PRDM16: variants seen among roughly 807,000 people sequenced by gnomAD.
The protein encoded by PRDM16 is histone-lysine N-methyltransferase PRDM16.
In PRDM16, 23 loss-of-function variants were observed where a neutral mutation model predicts 110.6. The observed-to-expected ratio is 0.21, with a 90% CI of 0.15 to 0.29. PRDM16 has a LOEUF of 0.29. Among genes scored for constraint, PRDM16 ranks in the 10% least tolerant of loss-of-function variants. PRDM16 has a pLI of 1.00. For missense variants in PRDM16, 1,615 were observed against 1,794.3 expected, an observed-to-expected ratio of 0.90 and a Z score of 1.81; for synonymous variants, 799 against 781.8, an observed-to-expected ratio of 1.02 and a Z score of -0.37.
At position 3,098,187 on chromosome 1, in the gene PRDM16, T is replaced by C. The variant is rs141626524; in HGVS notation, c.37+28891T>C. Among the ~76,000 whole-genome samples the C allele has an allele frequency of 1.2e-4, 19 of 152,280 alleles. No homozygotes were observed. In the East Asian group the frequency reaches 2.7e-3, roughly 22 times the overall value. The stretch of plus-strand genomic sequence containing the variant: ...GTGAGAAGCTCCCAGTCAAGGGCCC[T>C]GAGAGTCCCTCCAGGCTCATGGGGC... On this transcript the variant is annotated intron_variant, in intron 1 of 16. Transcript: ENST00000270722.
rs770890589 is a variant in PRDM16 at position 3,350,760 on chromosome 1, G to A, written c.439-34392G>A. Among the ~76,000 whole-genome samples, 19 of 152,244 alleles carry A rather than the reference G, an allele frequency of 1.2e-4. 1 individual carries two copies. Among genetic ancestry groups the A allele is most frequent in the South Asian group, 6.2e-4 (3 of 4,824 alleles). On this transcript the variant is annotated intron_variant, in intron 3 of 16. Coordinates refer to ENST00000270722, the MANE Select transcript of PRDM16 (RefSeq NM_022114.4). The surrounding 1 kb of genome is among the most constrained non-coding windows in gnomAD (Gnocchi z 7.1). ...CCAGGACAAGAGCTTTGTGTCTGCC[G>A]ACTTCTTCCCAATGCCGCGTCCAGT...
intron 3 of PRDM16, among the ~76,000 whole-genome samples, chr1:3,337,195 TG>T (rs1308302798): frequency 6.6e-6 from 1 of 151,414 alleles, no homozygotes; most frequent in Admixed American, 6.6e-5. Context: ...ACATGTGTGT[TG>T]GTGTGAGTCT....
chr1:3,389,128 G>A (rs1355928758), intron 4 of PRDM16, among the ~76,000 whole-genome samples: 4 of 152,158 alleles, frequency 2.6e-5, no homozygotes, highest in Admixed American at 6.5e-5. Context: ...AAAGAGGACC[G>A]GCCATGTGCT....
chr1:3,413,723 C>A (rs76856821), intron 9 of PRDM16, among the ~76,000 whole-genome samples: 22,491 of 152,102 alleles, frequency 0.15, 1,811 homozygotes, highest in East Asian at 0.31. Flanking sequence ...AAGAGGCTCC[C>A]AAATCTAACC....
chr1:3,310,427 C>T (rs1383522809), intron 3 of PRDM16, among the ~76,000 whole-genome samples: 1 of 152,172 alleles, frequency 6.6e-6, no homozygotes, highest in Non-Finnish European at 1.5e-5. Context: ...CAACGGAAAC[C>T]GTAGTCCCTG....
At chr1:3,195,337 G>A (rs560693334) in intron 2 of PRDM16, among the ~76,000 whole-genome samples, 8 of 152,222 alleles carry the variant, frequency 5.3e-5, no homozygotes, top group South Asian at 2.1e-4. Flanking sequence ...GGCCCGGCTC[G>A]GAGGCACGGG....
intron 3 of PRDM16, among the ~76,000 whole-genome samples, chr1:3,287,851 C>T (rs918347404): frequency 5.9e-5 from 9 of 151,852 alleles, no homozygotes; most frequent in East Asian, 3.9e-4. Flanking sequence ...CGCCCCGCCA[C>T]GCGGGCATCC....
At chr1:3,147,172 G>A (rs775438200) in intron 1 of PRDM16, among the ~76,000 whole-genome samples, 37 of 147,788 alleles carry the variant, frequency 2.5e-4, no homozygotes, top group Non-Finnish European at 4.2e-4. Context: ...GTGCACGCAC[G>A]TGTGTGCTCG....
At chr1:3,249,926 T>C (rs1639886596) in intron 3 of PRDM16, among the ~76,000 whole-genome samples, 1 of 152,220 alleles carries the variant, frequency 6.6e-6, no homozygotes, top group African/African-American at 2.4e-5. Flanking sequence ...CCTAAGAAGT[T>C]TGCATCCTTG....
intron 1 of PRDM16, among the ~76,000 whole-genome samples, chr1:3,076,822 A>T (rs943002624): frequency 6.6e-6 from 1 of 152,124 alleles, no homozygotes; most frequent in African/African-American, 2.4e-5. Flanking sequence ...ACTTACCTGG[A>T]TGGATTTACT....
Position 3,436,052 on chromosome 1 carries a change from G to A in PRDM16, c.*2241G>A, listed in dbSNP as rs1638901506. On this transcript the variant is annotated 3_prime_UTR_variant, in exon 17 of 17. Transcript: ENST00000270722. ...CTCACGCGTTTCCACAACATCCCCT[G>A]GGTCAGACCCACCAGGTACCCCGTA... 8.7e-6 allele frequency: 2 copies of A among 230,712 alleles called. No homozygotes were observed. The highest frequency in any genetic ancestry group is 1.7e-5 in the Non-Finnish European group (2 of 116,626). The allele number at this position is 230,712 out of a possible 1,614,324, so 14.3% of individuals were successfully genotyped here.
Position 3,241,380 on chromosome 1 carries a change from G to T in PRDM16, c.388-2707G>T, listed in dbSNP as rs571385803. Among the ~76,000 whole-genome samples the T allele has an allele frequency of 2.6e-5, 4 of 152,346 alleles. No homozygotes were observed. In the South Asian group the frequency reaches 8.3e-4, roughly 32 times the overall value. ...CCTCAGCAGCCCACACCCTCAGCCC[G>T]AAGGGGGCCCAGGCCCCGTGCCCAG... On this transcript the variant is annotated intron_variant, in intron 2 of 16. Coordinates refer to ENST00000270722, the MANE Select transcript of PRDM16 (RefSeq NM_022114.4).
Position 3,195,882 on chromosome 1 carries a change from T to C in PRDM16, c.387+9408T>C, listed in dbSNP as rs1638461300. Among the ~76,000 whole-genome samples the C allele has an allele frequency of 2.6e-5, 4 of 152,212 alleles. No homozygotes were observed. In the South Asian group the frequency reaches 6.2e-4, roughly 24 times the overall value. ...ATGTGAAGGGAGTATGACAGAGGCATGTGGCCTCTGTATGGGCCTGGTGGG... is the reference window on the plus strand; with the variant it reads ...ATGTGAAGGGAGTATGACAGAGGCACGTGGCCTCTGTATGGGCCTGGTGGG... On this transcript the variant is annotated intron_variant, in intron 2 of 16. Transcript: ENST00000270722.
chr1:3,321,562 ATGTG>A (rs953250353), intron 3 of PRDM16, among the ~76,000 whole-genome samples: 5 of 147,686 alleles, frequency 3.4e-5, no homozygotes, highest in Admixed American at 2.7e-4. Flanking sequence ...GTGAGTGCAA[ATGTG>A]TGTGAGAGTG....
At chr1:3,317,539 C>T (rs189709910) in intron 3 of PRDM16, among the ~76,000 whole-genome samples, 3,896 of 148,762 alleles carry the variant, frequency 0.026, 290 homozygotes, top group East Asian at 0.24. Context: ...TCCTTCCATC[C>T]AGACCCCACT....
chr1:3,402,724 G>C, intron 5 of PRDM16, 67 bp from the exon 6 acceptor site: 2 of 1,440,190 alleles, frequency 1.4e-6, no homozygotes, highest in Admixed American at 1.7e-5. Flanking sequence ...CAGGTCTCCA[G>C]AGTCCCCTGA....
chr1:3,107,921 G>A (rs1158017154), intron 1 of PRDM16, among the ~76,000 whole-genome samples: 1 of 152,380 alleles, frequency 6.6e-6, no homozygotes, highest in African/African-American at 2.4e-5. Context: ...TAAGGTAAAT[G>A]CTGTGCAACC....
chr1:3,174,333 T>G (rs2100765679), intron 1 of PRDM16, among the ~76,000 whole-genome samples: 1 of 152,290 alleles, frequency 6.6e-6, no homozygotes, highest in African/African-American at 2.4e-5. Context: ...AGACCTTATT[T>G]CCGAATCAGG....
intron 2 of PRDM16, among the ~76,000 whole-genome samples, chr1:3,219,913 C>T (rs1423741367): frequency 1.3e-5 from 2 of 152,216 alleles, no homozygotes; most frequent in African/African-American, 2.4e-5. Context: ...GGAGCTAGCA[C>T]AGGCCATGGA....
Sources: gnomAD v4.1 joint callset for allele counts (sites outside exome capture counted in the v4.1 genomes callset) on GRCh38, gnomAD v4.1.1 for gene constraint, Gnocchi (gnomAD v3.1) non-coding constraint, MANE v1.5 for transcripts, NCBI Gene and HGNC (gene_info 2026-07-23, HGNC 2026-07-21) for gene names.